The following GYS1 variants were observed in gnomAD, a reference collection of about 807,000 sequenced individuals.
GYS1 encodes glycogen synthase 1, also known as glycogen [starch] synthase, muscle.
A neutral mutation model predicts 89.1 loss-of-function variants in GYS1; 60 were observed. The observed-to-expected ratio is 0.67, with a 90% CI of 0.55 to 0.84. The LOEUF (loss-of-function observed/expected upper bound fraction) is 0.84. Ranked by LOEUF, GYS1 falls within the 40% of genes least tolerant of loss-of-function variation. GYS1 has a pLI of 0.00. For missense variants in GYS1, 888 were observed against 1,003.1 expected (o/e 0.89, Z 1.55); for synonymous variants, 366 against 401.7 (o/e 0.91, Z 1.06).
chr19:48,984,598 GT>G (rs2038812979), intron 5 of GYS1, among the ~76,000 whole-genome samples: 1 of 152,010 alleles, frequency 6.6e-6, no homozygotes, highest in South Asian at 2.1e-4. Flanking sequence ...GTTTCGCCAT[GT>G]TGGCCAGGCT....
Position 48,993,100 on chromosome 19 carries a change from G to C in GYS1, c.13C>G (p.Arg5Gly), listed in dbSNP as rs757326645. Residue 5 changes from arginine to glycine, a missense_variant, in exon 1 of 16, where the codon CGC (arginine) becomes GGC (glycine). Physicochemically the swap from Arg to Gly is moderately radical, Grantham distance 125 (BLOSUM62 -2). Transcript: ENST00000323798. MPLN[R>G]TLSMSSLPGL... ...GGCAGTGAGGACATGGACAAAGTGC[G>C]GTTTAAAGGCATGGCTGGCGCAGGA... The C allele has an allele frequency of 6.2e-7, 1 of 1,602,254 alleles. No homozygotes were observed. Among genetic ancestry groups the C allele is most frequent in the Non-Finnish European group, 8.6e-7 (1 of 1,169,328 alleles).
chr19:48,990,011 G>GGGGT (rs1555800166), intron 2 of GYS1, among the ~76,000 whole-genome samples: 1 of 150,564 alleles, frequency 6.6e-6, no homozygotes, highest in Non-Finnish European at 1.5e-5. Flanking sequence ...GGGGGGGGGG[G>GGGGT]GGCTATTCTT....
At position 48,970,411 on chromosome 19, in the gene GYS1, T is replaced by C. The variant is rs1041538109; in HGVS notation, c.1809+135A>G. 10 of 751,160 alleles carry C rather than the reference T, an allele frequency of 1.3e-5. No homozygotes were observed. In the African/African-American group the frequency reaches 1.7e-4, roughly 13 times the overall value. The allele number at this position is 751,160 out of a possible 1,614,324, so 46.5% of individuals were successfully genotyped here. On this transcript the variant is annotated intron_variant, in intron 14 of 15. Coordinates refer to ENST00000323798, the MANE Select transcript of GYS1 (RefSeq NM_002103.5). ...CTGGGATTACAACCATGAGCCACCA[T>C]CGCGATCGGCCTGGTTCATTGCTTA... is the stretch of plus-strand genomic sequence containing the variant.
In GYS1 at chr19:48,986,084, G is replaced by T. The variant is rs184293573; in HGVS notation, c.493-49C>A. 3.2e-5 allele frequency: 50 copies of T among 1,567,324 alleles called. No homozygotes were observed. In the African/African-American group the frequency reaches 6.1e-4, roughly 19 times the overall value. The stretch of plus-strand genomic sequence containing the variant: ...ACTGTCTCCACGAGTGTTGGGAAAA[G>T]AATCGGCAATCCCCAGTAGGGACAA... On this transcript the variant is annotated intron_variant, in intron 3 of 15. Transcript: ENST00000323798.
In GYS1 at chr19:48,993,127, G is replaced by A. The variant is rs2038967330; in HGVS notation, c.-15C>T. On this transcript the variant is annotated 5_prime_UTR_variant, in exon 1 of 16. Transcript: ENST00000323798. ...TTTAAAGGCATGGCTGGCGCAGGAA[G>A]GGGGGCTCCGGGGATCTCCAGGTAG... is the stretch of plus-strand genomic sequence containing the variant. 1 of 1,397,060 alleles carries A rather than the reference G, an allele frequency of 7.2e-7. No individual in the cohort carries two copies. 86.5% of individuals were successfully genotyped at this position (1,397,060 alleles called of 1,614,324 possible).
chr19:48,978,494 G>A (rs925323319), intron 8 of GYS1, among the ~76,000 whole-genome samples: 1 of 151,284 alleles, frequency 6.6e-6, no homozygotes, highest in Non-Finnish European at 1.5e-5. Flanking sequence ...CAAAGTACTG[G>A]GATTAGAGGC....
At chr19:48,988,933 T>G (rs1029788337) in intron 2 of GYS1, among the ~76,000 whole-genome samples, 3 of 152,080 alleles carry the variant, frequency 2.0e-5, no homozygotes, top group Non-Finnish European at 2.9e-5. Flanking sequence ...CTGCCACTTT[T>G]CTTCCCCATG....
chr19:48,979,538 C>T (rs1299035822), intron 8 of GYS1, among the ~76,000 whole-genome samples: 10 of 150,910 alleles, frequency 6.6e-5, no homozygotes, highest in Non-Finnish European at 1.3e-4. Context: ...GATTTCACCA[C>T]GTTGACCAGG....
In GYS1 at chr19:48,969,325, AG is replaced by A; in HGVS notation, c.2176del (p.Leu726SerfsTer116). The A allele has an allele frequency of 6.3e-7, 1 of 1,582,646 alleles. No homozygotes were observed. ...SSSLSTPSEPLSPTSSLGEER... is the reference protein window; with the variant it reads ...SSSLSTPSEPXSPTSSLGEER... The stretch of plus-strand genomic sequence containing the variant: ...CTCGCCCAGGGAGCTGGTGGGGCTG[AG>A]GGGCTCGCTCGGGGTGCTGAGTGAG... On this transcript the variant is annotated frameshift_variant, in exon 16 of 16. Coordinates refer to ENST00000323798, the MANE Select transcript of GYS1 (RefSeq NM_002103.5). LOFTEE classifies it high-confidence loss of function.
intron 3 of GYS1, 105 bp from the exon 4 acceptor site, chr19:48,986,140 T>TCTGTGCAGTAGTGGTG: frequency 1.0e-6 from 1 of 1,003,882 alleles, no homozygotes; most frequent in Non-Finnish European, 1.5e-6. Context: ...CTGTCACCAC[T>TCTGTGCAGTAGTGGTG]ACTGCACAGA....
intron 5 of GYS1, among the ~76,000 whole-genome samples, chr19:48,984,629 C>T (rs1295154145): frequency 1.3e-5 from 2 of 151,902 alleles, no homozygotes; most frequent in Non-Finnish European, 1.5e-5. Context: ...CTCCTGACCT[C>T]GTGATCTGCC....
rs908132265 is a variant in GYS1, at chr19:48,991,797, G to C, written c.119-314C>G. 6.6e-6 allele frequency among the ~76,000 whole-genome samples: 1 copy of C among 152,072 alleles called. No homozygotes were observed. Among genetic ancestry groups the C allele is most frequent in the African/African-American group, 2.4e-5 (1 of 41,382 alleles). On this transcript the variant is annotated intron_variant, in intron 1 of 15. Coordinates refer to ENST00000323798, the MANE Select transcript of GYS1 (RefSeq NM_002103.5). This position sits in a 1 kb window ranked among gnomAD's most constrained non-coding sequence, Gnocchi z 4.7. ...GGGTGCCGGGACCCCTTGGTCTGAAGGAATTAGGCACTGGGGCTCTAAGGA... is the reference window on the plus strand; with the variant it reads ...GGGTGCCGGGACCCCTTGGTCTGAACGAATTAGGCACTGGGGCTCTAAGGA...
At position 48,978,163 on chromosome 19, in the gene GYS1, G is replaced by A. The variant is rs903123136; in HGVS notation, c.1170-6C>T. 4 of 1,612,646 alleles carry A rather than the reference G, an allele frequency of 2.5e-6. No individual in the cohort carries two copies. The highest frequency in any genetic ancestry group is 8.5e-7 in the Non-Finnish European group (1 of 1,178,732). ...TCACCGTGTTGGCCGTGTCCCTGGA[G>A]GAAGCAGAGCAACAGGGTCACATAC... On this transcript the variant is annotated splice_polypyrimidine_tract_variant and splice_region_variant and intron_variant, in intron 8 of 15. Coordinates refer to ENST00000323798, the MANE Select transcript of GYS1 (RefSeq NM_002103.5).
At chr19:48,971,754 C>A (rs1276326015) in intron 12 of GYS1, among the ~76,000 whole-genome samples, 3 of 151,770 alleles carry the variant, frequency 2.0e-5, no homozygotes, top group Admixed American at 2.0e-4. Flanking sequence ...CAGGGTTTCA[C>A]CATGTTGGCC....
chr19:48,982,640 A>G, intron 6 of GYS1, 80 bp downstream of exon 6: 1 of 1,047,530 alleles, frequency 9.5e-7, no homozygotes, highest in South Asian at 1.3e-5. Context: ...CTGGGCCCCC[A>G]GCTGCCCCCT....
chr19:48,984,630 G>A (rs745637046), intron 5 of GYS1, among the ~76,000 whole-genome samples: 5 of 152,022 alleles, frequency 3.3e-5, no homozygotes, highest in Admixed American at 6.6e-5. Context: ...TCCTGACCTC[G>A]TGATCTGCCC....
chr19:48,990,224 T>G (rs2038906021), intron 2 of GYS1, among the ~76,000 whole-genome samples: 1 of 146,362 alleles, frequency 6.8e-6, no homozygotes, highest in East Asian at 1.9e-4. Context: ...GGCTTTCTCC[T>G]TGGACAACAG....
rs1288422857 is a variant in GYS1 at position 48,981,570 on chromosome 19, C to T, written c.1129G>A (p.Val377Met). The T allele has an allele frequency of 8.1e-6, 13 of 1,613,518 alleles. No individual in the cohort carries two copies. The highest frequency in any genetic ancestry group is 1.7e-5 in the Admixed American group (1 of 60,006). Residue 377 changes from valine to methionine, a missense_variant, in exon 8 of 16, where the codon GTG (valine) becomes ATG (methionine). Physicochemically the swap from Val to Met is conservative, Grantham distance 21 (BLOSUM62 1). Transcript: ENST00000323798. ...IMPARTNNFNVETLKGQAVRK... is the reference protein window; with the variant it reads ...IMPARTNNFNMETLKGQAVRK... ...ACAGCTTGGCCTTTGAGGGTTTCCACGTTGAAATTGTTGGTCCGCGCTGGC... is the reference window on the plus strand; with the variant it reads ...ACAGCTTGGCCTTTGAGGGTTTCCATGTTGAAATTGTTGGTCCGCGCTGGC...
At chr19:48,979,666 T>G (rs1467071908) in intron 8 of GYS1, among the ~76,000 whole-genome samples, 4 of 107,036 alleles carry the variant, frequency 3.7e-5, no homozygotes, top group African/African-American at 1.4e-4. Context: ...TTTTTTTTTT[T>G]GAGACCGAGT....
Sources: gnomAD v4.1 joint callset for allele counts (sites outside exome capture counted in the v4.1 genomes callset) on GRCh38, gnomAD v4.1.1 for gene constraint, Gnocchi (gnomAD v3.1) non-coding constraint, MANE v1.5 for transcripts, NCBI Gene and HGNC (gene_info 2026-07-23, HGNC 2026-07-21) for gene names.